PEX14: variants seen among roughly 807,000 people sequenced by gnomAD.
PEX14 encodes peroxisomal membrane protein PEX14.
Under a neutral mutation model 49.5 loss-of-function variants are expected in PEX14, and 15 were observed. That is an observed-to-expected ratio of 0.30 (90% CI 0.20 to 0.47). PEX14 has a LOEUF of 0.47. PEX14 is among the 20% of genes least tolerant of loss of function. The pLI is 1.00. For synonymous variants in PEX14, 210 were observed against 212.7 expected (o/e 0.99, Z 0.11); for missense variants, 398 against 494.8 (o/e 0.80, Z 1.86).
At chr1:10,598,112 C>T (rs946006013) in intron 3 of PEX14, among the ~76,000 whole-genome samples, 1 of 152,292 alleles carries the variant, frequency 6.6e-6, no homozygotes, top group East Asian at 1.9e-4. Context: ...GAAAAGCTCT[C>T]GGCTGTAGTT....
chr1:10,543,096 T>C (rs1639065459), intron 3 of PEX14, among the ~76,000 whole-genome samples: 1 of 152,218 alleles, frequency 6.6e-6, no homozygotes, highest in Non-Finnish European at 1.5e-5. Context: ...AGATTTGGAT[T>C]TTGAAGGGAT....
chr1:10,517,795 G>C (rs139585049), intron 2 of PEX14, among the ~76,000 whole-genome samples: 28 of 151,748 alleles, frequency 1.8e-4, no homozygotes, highest in Admixed American at 5.3e-4. Flanking sequence ...AAGATGCTTA[G>C]TTTTTGAGGA....
chr1:10,506,830 C>T (rs1641791542), intron 2 of PEX14, among the ~76,000 whole-genome samples: 1 of 152,126 alleles, frequency 6.6e-6, no homozygotes, highest in Non-Finnish European at 1.5e-5. Flanking sequence ...GCAAGAAAGA[C>T]GTCTGGGAAC....
intron 1 of PEX14, among the ~76,000 whole-genome samples, chr1:10,478,944 TGTTTCACC>T (rs1231659726): frequency 6.6e-6 from 1 of 151,658 alleles, no homozygotes; most frequent in Non-Finnish European, 1.5e-5. Context: ...GTAGAGACGA[TGTTTCACC>T]GTATTAGCCA....
chr1:10,618,389 T>G lies in PEX14; in HGVS notation c.356T>G (p.Ile119Ser). The change falls in exon 5 of 9, where the codon ATT becomes AGT. Residue 119 changes from isoleucine (I) to serine (S), a missense_variant. Ile to Ser is a moderately radical substitution (Grantham distance 142). Coordinates refer to ENST00000356607, the MANE Select transcript of PEX14 (RefSeq NM_004565.3). Reference protein sequence around the residue: ...YGALAIIMAGIAFGFHQLYKK... With the variant: ...YGALAIIMAGSAFGFHQLYKK... ...GCCCTGGCCATCATCATGGCAGGCA[T>G]TGCATTTGGCTTTCACCAGCTCTAC... The G allele has an allele frequency of 6.2e-7, 1 of 1,613,878 alleles. No individual in the cohort carries two copies. The highest frequency in any genetic ancestry group is 1.6e-4 in the Middle Eastern group (1 of 6,062).
chr1:10,630,022 A>T lies in PEX14; in HGVS notation c.*35A>T. On this transcript the variant is annotated 3_prime_UTR_variant, in exon 9 of 9. Transcript: ENST00000356607. The surrounding 1 kb of genome is among the most constrained non-coding windows in gnomAD (Gnocchi z 4.1). ...TGCTGCCTCCAGCCCTGAGGATGGCATCTAGTGTGCCCGTGCGTGGCCATA... is the reference window on the plus strand; with the variant it reads ...TGCTGCCTCCAGCCCTGAGGATGGCTTCTAGTGTGCCCGTGCGTGGCCATA... The T allele has an allele frequency of 6.2e-7, 1 of 1,603,020 alleles. No individual in the cohort carries two copies. Among genetic ancestry groups the T allele is most frequent in the Non-Finnish European group, 8.5e-7 (1 of 1,178,986 alleles).
chr1:10,560,401 A>C (rs186379097), intron 3 of PEX14, among the ~76,000 whole-genome samples: 1 of 151,784 alleles, frequency 6.6e-6, no homozygotes, highest in East Asian at 2.0e-4. Context: ...AGAAAAGTGG[A>C]ATAGCGTATG....
intron 3 of PEX14, among the ~76,000 whole-genome samples, chr1:10,579,231 G>A (rs1341113997): frequency 2.0e-5 from 3 of 152,076 alleles, no homozygotes; most frequent in Non-Finnish European, 4.4e-5. Flanking sequence ...CGGGACAATG[G>A]AATGATGTTT....
chr1:10,607,730 T>C (rs1288112942), intron 4 of PEX14, among the ~76,000 whole-genome samples: 1 of 152,232 alleles, frequency 6.6e-6, no homozygotes, highest in Non-Finnish European at 1.5e-5. Context: ...ATTAACAGTC[T>C]TCTTACTGAG....
At chr1:10,502,883 C>T (rs1283796861) in intron 2 of PEX14, among the ~76,000 whole-genome samples, 1 of 151,198 alleles carries the variant, frequency 6.6e-6, no homozygotes, top group Non-Finnish European at 1.5e-5. Flanking sequence ...TGCAGCCCCC[C>T]ACCTCTTGGG....
intron 3 of PEX14, among the ~76,000 whole-genome samples, chr1:10,560,718 CT>C (rs34964492): frequency 7.7e-6 from 1 of 129,092 alleles, no homozygotes; most frequent in African/African-American, 3.0e-5. Context: ...ATTTTGCCAC[CT>C]TTTTTTTTTT....
At chr1:10,530,038 C>T (rs1380501222) in intron 2 of PEX14, among the ~76,000 whole-genome samples, 1 of 152,210 alleles carries the variant, frequency 6.6e-6, no homozygotes, top group East Asian at 1.9e-4. Flanking sequence ...GTACAACTCA[C>T]TGTCTTTATT....
At chr1:10,580,590 C>T (rs540449515) in intron 3 of PEX14, among the ~76,000 whole-genome samples, 25 of 152,074 alleles carry the variant, frequency 1.6e-4, no homozygotes, top group Non-Finnish European at 2.8e-4. Context: ...AACAATAATA[C>T]AGTATAGTAC....
intron 1 of PEX14, among the ~76,000 whole-genome samples, chr1:10,477,131 C>T (rs933316287): frequency 1.3e-5 from 2 of 151,210 alleles, no homozygotes; most frequent in Non-Finnish European, 2.9e-5. Context: ...AGTGCAGTGG[C>T]GCGATCTCTG....
intron 3 of PEX14, among the ~76,000 whole-genome samples, chr1:10,575,755 A>G (rs1640101439): frequency 1.3e-5 from 2 of 152,164 alleles, no homozygotes; most frequent in African/African-American, 4.8e-5. Context: ...AAAAATGGTG[A>G]CTAGCATTGT....
intron 1 of PEX14, 41 bp downstream of exon 1, chr1:10,475,043 CGGCTGGAG>C: frequency 6.3e-7 from 1 of 1,580,080 alleles, no homozygotes; most frequent in East Asian, 2.3e-5. Context: ...GCGGAGACCC[CGGCTGGAG>C]GGGGCGCTCA....
intron 4 of PEX14, among the ~76,000 whole-genome samples, chr1:10,599,683 G>A (rs1445048127): frequency 5.9e-5 from 9 of 152,208 alleles, no homozygotes; most frequent in Non-Finnish European, 1.2e-4. Flanking sequence ...CAGTGCTTTT[G>A]AATGTTACTG....
chr1:10,617,424 C>A (rs1045794170), intron 4 of PEX14, among the ~76,000 whole-genome samples: 1 of 152,126 alleles, frequency 6.6e-6, no homozygotes, highest in Non-Finnish European at 1.5e-5. Context: ...AAAGAATATT[C>A]GGCTTCCTTG....
chr1:10,564,988 C>T (rs545935711), intron 3 of PEX14, among the ~76,000 whole-genome samples: 23 of 149,620 alleles, frequency 1.5e-4, no homozygotes, highest in African/African-American at 5.1e-4. Flanking sequence ...ACTGCAACCT[C>T]TGCCTCCCAG....
Sources: gnomAD v4.1 joint callset for allele counts (sites outside exome capture counted in the v4.1 genomes callset) on GRCh38, gnomAD v4.1.1 for gene constraint, Gnocchi (gnomAD v3.1) non-coding constraint, MANE v1.5 for transcripts, NCBI Gene and HGNC (gene_info 2026-07-23, HGNC 2026-07-21) for gene names.